Variants in CTNNA2 observed in about 807,000 individuals in gnomAD.
CTNNA2 encodes catenin alpha 2, also known as catenin alpha-2.
A neutral mutation model predicts 101.0 loss-of-function variants in CTNNA2; 42 were observed. That is an observed-to-expected ratio of 0.42 (90% confidence interval 0.32 to 0.54). CTNNA2 has a LOEUF of 0.54. CTNNA2 is among the 20% of genes least tolerant of loss of function. The pLI is 0.14. For missense variants in CTNNA2, 871 were observed against 1,223.1 expected, an observed-to-expected ratio of 0.71 and a Z score of 4.29; for synonymous variants, 450 against 456.4, an observed-to-expected ratio of 0.99 and a Z score of 0.18.
At position 80,257,269 on chromosome 2, in the gene CTNNA2, A is replaced by G. The variant is rs562889683; in HGVS notation, c.1057-135942A>G. 2.0e-5 allele frequency among the ~76,000 whole-genome samples: 3 copies of G among 151,852 alleles called. No homozygotes were observed. In the East Asian group the frequency reaches 5.8e-4, roughly 29 times the overall value. On this transcript the variant is annotated intron_variant, in intron 7 of 18. Transcript: ENST00000402739. Reference sequence around the variant, plus strand: ...TATATAAATACATACATATAAATATATAGTATATAATCATTTAGAGTCATG... The same window carrying G: ...TATATAAATACATACATATAAATATGTAGTATATAATCATTTAGAGTCATG...
intron 1 of CTNNA2, among the ~76,000 whole-genome samples, chr2:79,192,649 TGGACGAAA>T (rs1287647214): frequency 1.1e-4 from 16 of 152,178 alleles, no homozygotes; most frequent in Non-Finnish European, 2.4e-4. Flanking sequence ...AATCAAATGA[TGGACGAAA>T]TTTTTCTCTA....
chr2:79,521,145 TATATATATATATATATATATATAA>T (rs1275434716), intron 1 of CTNNA2, among the ~76,000 whole-genome samples: 5 of 34,858 alleles, frequency 1.4e-4, no homozygotes, highest in African/African-American at 5.2e-4. Flanking sequence ...TATATATATA[TATATATATATATATATATATATAA>T]ATTTTAAGGT....
chr2:80,452,051 C>T (rs1165187436), intron 9 of CTNNA2, among the ~76,000 whole-genome samples: 1 of 152,108 alleles, frequency 6.6e-6, no homozygotes, highest in Non-Finnish European at 1.5e-5. Flanking sequence ...AATATTTAAG[C>T]TATATTTGGT....
intron 2 of CTNNA2, among the ~76,000 whole-genome samples, chr2:79,249,985 C>T (rs926380623): frequency 2.0e-5 from 3 of 152,150 alleles, no homozygotes; most frequent in South Asian, 4.1e-4. Context: ...GTATCAGCTA[C>T]ATTTGCTACT....
chr2:79,856,554 CTG>C (rs1558585038), intron 3 of CTNNA2, among the ~76,000 whole-genome samples: 1 of 152,184 alleles, frequency 6.6e-6, no homozygotes, highest in East Asian at 1.9e-4. Flanking sequence ...TTTTATACCC[CTG>C]TGTACACTCT....
intron 3 of CTNNA2, among the ~76,000 whole-genome samples, chr2:79,777,666 CCAAAA>C (rs945902643): frequency 6.6e-6 from 1 of 151,946 alleles, no homozygotes; most frequent in African/African-American, 2.4e-5. Flanking sequence ...ACCCATCTTA[CCAAAA>C]CAAAAGGATG....
intron 1 of CTNNA2, among the ~76,000 whole-genome samples, chr2:79,538,248 A>AT (rs944772640): frequency 5.3e-5 from 8 of 151,706 alleles, no homozygotes; most frequent in African/African-American, 1.5e-4. Context: ...TATTCGAAAA[A>AT]AAAACCTTAT....
intron 9 of CTNNA2, among the ~76,000 whole-genome samples, chr2:80,440,156 G>T (rs756539119): frequency 1.3e-5 from 2 of 152,136 alleles, no homozygotes; most frequent in Non-Finnish European, 2.9e-5. Context: ...GCAAAGTCTG[G>T]AAAGGATTGA....
chr2:79,329,680 C>G (rs1676827007), intron 3 of CTNNA2, among the ~76,000 whole-genome samples: 1 of 152,116 alleles, frequency 6.6e-6, no homozygotes, highest in Non-Finnish European at 1.5e-5. Flanking sequence ...TAGCATGAGG[C>G]ATTTCCTTCC....
intron 7 of CTNNA2, among the ~76,000 whole-genome samples, chr2:80,259,882 A>G (rs1672463072): frequency 6.6e-6 from 1 of 152,212 alleles, no homozygotes; most frequent in African/African-American, 2.4e-5. Flanking sequence ...GGAGCATTAA[A>G]TGAGATTGTG....
chr2:79,667,576 A>G (rs1682509022), intron 2 of CTNNA2, among the ~76,000 whole-genome samples: 1 of 152,246 alleles, frequency 6.6e-6, no homozygotes, highest in Non-Finnish European at 1.5e-5. Flanking sequence ...TCTGGTAGGA[A>G]TGGGTTAAGT....
chr2:79,228,239 A>G lies in CTNNA2; in HGVS notation c.-406+30163A>G, dbSNP rs116675771. Among the ~76,000 whole-genome samples the G allele has an allele frequency of 4.9e-3, 747 of 152,322 alleles. 2 individuals carry two copies. The highest frequency in any genetic ancestry group is 7.2e-3 in the Non-Finnish European group (489 of 68,036). On this transcript the variant is annotated intron_variant, in intron 2 of 21. Transcript: ENST00000466387. ...ATATGGGTGCATGGGACTTTATGAC[A>G]GGATGAATTATTTTCCTTTGGTATA...
intron 18 of CTNNA2, among the ~76,000 whole-genome samples, chr2:80,628,970 C>T (rs897949745): frequency 6.6e-6 from 1 of 152,116 alleles, no homozygotes; most frequent in East Asian, 1.9e-4. Context: ...AGTTGCCTCA[C>T]CTCTCTGAGC....
intron 2 of CTNNA2, among the ~76,000 whole-genome samples, chr2:79,250,748 G>A (rs1412804040): frequency 6.6e-6 from 1 of 152,168 alleles, no homozygotes; most frequent in Non-Finnish European, 1.5e-5. Flanking sequence ...GGTATGCACT[G>A]TGTTTTGCTT....
chr2:80,078,338 C>G (rs1407049049), intron 7 of CTNNA2, among the ~76,000 whole-genome samples: 2 of 151,980 alleles, frequency 1.3e-5, no homozygotes, highest in Non-Finnish European at 2.9e-5. Context: ...CTGGGAGGAC[C>G]AGTGAAGGTT....
At chr2:80,429,193 T>C (rs1681260089) in intron 9 of CTNNA2, among the ~76,000 whole-genome samples, 1 of 152,160 alleles carries the variant, frequency 6.6e-6, no homozygotes, top group African/African-American at 2.4e-5. Flanking sequence ...CAATAAAGCA[T>C]TGCAGAAAAG....
intron 4 of CTNNA2, chr2:79,494,009 G>C (rs970000401): frequency 6.6e-6 from 1 of 151,794 alleles, no homozygotes; most frequent in African/African-American, 2.4e-5. Context: ...GAAAACAATT[G>C]TATTTCTATA....
At chr2:80,525,291 G>A (rs1326261998) in intron 9 of CTNNA2, among the ~76,000 whole-genome samples, 1 of 151,904 alleles carries the variant, frequency 6.6e-6, no homozygotes, top group East Asian at 1.9e-4. Context: ...TGGGCTCAGT[G>A]TGCTCAAGAG....
At chr2:79,493,466 A>G (rs1671224410) in intron 4 of CTNNA2, among the ~76,000 whole-genome samples, 1 of 152,110 alleles carries the variant, frequency 6.6e-6, no homozygotes, top group Non-Finnish European at 1.5e-5. Context: ...AAATACAAAA[A>G]TTAGCCAGGT....
Sources: allele counts gnomAD v4.1 joint callset (sites outside exome capture counted in the v4.1 genomes callset), GRCh38; gene constraint gnomAD v4.1.1; transcripts MANE v1.5; gene names NCBI Gene and HGNC (gene_info 2026-07-23, HGNC 2026-07-21).